Variants in ANO5 observed in about 807,000 individuals in gnomAD.
ANO5 encodes the protein anoctamin 5.
ANO5 carries 109 observed loss-of-function variants against 121.0 expected under a neutral mutation model. That is an observed-to-expected ratio of 0.90 (90% confidence interval 0.77 to 1.06). ANO5 has a LOEUF of 1.06. Among genes scored for constraint, ANO5 ranks in the 50% least tolerant of loss-of-function variants. ANO5 has a pLI of 0.00. For missense variants in ANO5, 1,064 were observed against 1,078.5 expected (o/e 0.99, Z 0.19); for synonymous variants, 406 against 359.9 (o/e 1.13, Z -1.45).
Position 22,270,336 on chromosome 11 carries a change from C to T in ANO5, c.1923C>T (p.Arg641=). The part of the protein sequence containing the change: ...IYPLALNWWR[R]RKARTNSEKL... The stretch of plus-strand genomic sequence containing the variant: ...GCTTGGCTTTGAATTGGTGGAGACG[C>T]CGAAAAGCTCGGACAAACTCTGAGA... Residue 641 remains arginine, a synonymous_variant, in exon 18 of 22, where the codon CGC becomes CGT. Transcript: ENST00000324559. The T allele has an allele frequency of 6.2e-7, 1 of 1,614,092 alleles. No individual in the cohort carries two copies. The highest frequency in any genetic ancestry group is 1.1e-5 in the South Asian group (1 of 91,082).
chr11:22,216,289 T>C (rs1277802776), intron 3 of ANO5, among the ~76,000 whole-genome samples: 2 of 151,956 alleles, frequency 1.3e-5, no homozygotes, highest in African/African-American at 4.8e-5. Flanking sequence ...GGTTGTACCA[T>C]TTTTTATTCC....
intron 17 of ANO5, among the ~76,000 whole-genome samples, chr11:22,269,278 GAA>G (rs1564948207): frequency 3.8e-5 from 2 of 52,176 alleles, no homozygotes; most frequent in Non-Finnish European, 7.9e-5. Context: ...GAAGGGAAGG[GAA>G]GAGAAGGGAA....
At chr11:22,239,376 A>G (rs899646742) in intron 8 of ANO5, among the ~76,000 whole-genome samples, 193 bp from the exon 9 acceptor site, 1 of 152,050 alleles carries the variant, frequency 6.6e-6, no homozygotes, top group Admixed American at 6.6e-5. Flanking sequence ...GCATTTTGAG[A>G]TAGCTTTGTG....
intron 3 of ANO5, among the ~76,000 whole-genome samples, chr11:22,212,840 T>C (rs1852324479): frequency 6.7e-6 from 1 of 149,380 alleles, no homozygotes; most frequent in South Asian, 2.1e-4. Context: ...TTACTCTTGA[T>C]TTTTTTGGAG....
At position 22,274,687 on chromosome 11, in the gene ANO5, T is replaced by C; in HGVS notation, c.2354T>C (p.Leu785Pro). 6.2e-7 allele frequency: 1 copy of C among 1,613,688 alleles called. No homozygotes were observed. The highest frequency in any genetic ancestry group is 8.5e-7 in the Non-Finnish European group (1 of 1,179,692). ...GTGAATAATAGCCTGTCAGTATTCC[T>C]GATAGCTGATTTTCCAAACCACACT... ...GYVNNSLSVF[L>P]IADFPNHTAP... Residue 785 changes from leucine (L) to proline (P), a missense_variant, in exon 20 of 22, where the codon CTG (leucine) becomes CCG (proline). By Grantham distance (98) the Leu-to-Pro change is moderately conservative. Coordinates refer to ENST00000324559, the MANE Select transcript of ANO5 (RefSeq NM_213599.3).
chr11:22,224,925 C>T (rs1590242017), intron 5 of ANO5, among the ~76,000 whole-genome samples: 1 of 151,928 alleles, frequency 6.6e-6, no homozygotes, highest in East Asian at 1.9e-4. Context: ...GTCATATGTT[C>T]TCACTCATGT....
chr11:22,210,172 C>T (rs976439120), intron 2 of ANO5, among the ~76,000 whole-genome samples: 1 of 151,840 alleles, frequency 6.6e-6, no homozygotes, highest in East Asian at 1.9e-4. Flanking sequence ...TCAGTCTTCC[C>T]ACAACTTTTC....
intron 13 of ANO5, among the ~76,000 whole-genome samples, chr11:22,256,854 A>G (rs950113486): frequency 6.6e-6 from 1 of 152,174 alleles, no homozygotes; most frequent in Non-Finnish European, 1.5e-5. Context: ...AAATATGCAT[A>G]CAGATGCATG....
chr11:22,274,672 G>C lies in ANO5; in HGVS notation c.2339G>C (p.Ser780Thr), dbSNP rs1554934744. The C allele has an allele frequency of 6.2e-7, 1 of 1,613,306 alleles. No homozygotes were observed. The highest frequency in any genetic ancestry group is 1.1e-5 in the South Asian group (1 of 91,056). Residue 780 changes from serine to threonine, a missense_variant, in exon 20 of 22, where the codon AGC becomes ACC. Coordinates refer to ENST00000324559, the MANE Select transcript of ANO5 (RefSeq NM_213599.3). ...CCTATGACAGGATATGTGAATAATA[G>C]CCTGTCAGTATTCCTGATAGCTGAT... The part of the protein sequence containing the change: ...TQPMTGYVNN[S>T]LSVFLIADFP...
In ANO5 at chr11:22,274,548, CTTTTT is replaced by C. The variant is rs72105710; in HGVS notation, c.2236-14_2236-10del. ...TAAATTGGCAGCTGATGATCTTCCT[CTTTTT>C]TTTTTTATTCTTCAGGCCTTTATTG... On this transcript the variant is annotated splice_polypyrimidine_tract_variant and intron_variant, in intron 19 of 21. Transcript: ENST00000324559. 1 of 958,910 alleles carries C rather than the reference CTTTTT, an allele frequency of 1.0e-6. No homozygotes were observed. The highest frequency in any genetic ancestry group is 1.4e-6 in the Non-Finnish European group (1 of 696,780). 59.4% of individuals were successfully genotyped at this position (958,910 alleles called of 1,614,324 possible).
At chr11:22,202,221 A>C (rs1851986729) in intron 1 of ANO5, among the ~76,000 whole-genome samples, 1 of 152,006 alleles carries the variant, frequency 6.6e-6, no homozygotes, top group Non-Finnish European at 1.5e-5. Context: ...GTTTATTTTC[A>C]CATACAGCCT....
In ANO5 at chr11:22,279,669, C is replaced by CAAATT. The variant is rs1316732230; in HGVS notation, c.2650_2654dup (p.Lys885AsnfsTer2). 6.2e-7 allele frequency: 1 copy of CAAATT among 1,612,648 alleles called. No homozygotes were observed. Among genetic ancestry groups the CAAATT allele is most frequent in the Non-Finnish European group, 8.5e-7 (1 of 1,179,144 alleles). On this transcript the variant is annotated frameshift_variant, in exon 22 of 22. Coordinates refer to ENST00000324559, the MANE Select transcript of ANO5 (RefSeq NM_213599.3). LOFTEE classifies it low-confidence loss of function (END_TRUNC). The stretch of plus-strand genomic sequence containing the variant: ...AGATTCTCCATGATTTTGAGCTCAA[C>CAAATT]AAATTAAAAGAGAACTTGGGAATTA...
intron 7 of ANO5, among the ~76,000 whole-genome samples, chr11:22,228,192 T>G (rs1390784661): frequency 2.0e-5 from 3 of 152,194 alleles, no homozygotes; most frequent in Non-Finnish European, 4.4e-5. Context: ...ATCCACTTCA[T>G]AGGTTACCCA....
chr11:22,193,091 G>A lies in ANO5; in HGVS notation c.-402G>A. 3 of 1,086,388 alleles carry A rather than the reference G, an allele frequency of 2.8e-6. No individual in the cohort carries two copies. The highest frequency in any genetic ancestry group is 2.2e-6 in the Non-Finnish European group (2 of 889,340). The allele number at this position is 1,086,388 out of a possible 1,614,324, so 67.3% of individuals were successfully genotyped here. Reference sequence around the variant, plus strand: ...GCTGCCAGAGGGCAGGAGTGGAAAGGATCCTGGCGAGCACCGGGAGGAGTG... The same window carrying A: ...GCTGCCAGAGGGCAGGAGTGGAAAGAATCCTGGCGAGCACCGGGAGGAGTG... On this transcript the variant is annotated 5_prime_UTR_variant, in exon 1 of 22. Coordinates refer to ENST00000324559, the MANE Select transcript of ANO5 (RefSeq NM_213599.3).
intron 9 of ANO5, among the ~76,000 whole-genome samples, chr11:22,243,112 A>G (rs541532002): frequency 5.9e-5 from 9 of 152,044 alleles, no homozygotes; most frequent in Middle Eastern, 3.4e-3. Flanking sequence ...TTAATCATGA[A>G]TGGAAAGGGA....
intron 2 of ANO5, among the ~76,000 whole-genome samples, chr11:22,209,784 A>G (rs990946389): frequency 6.6e-6 from 1 of 151,968 alleles, no homozygotes; most frequent in African/African-American, 2.4e-5. Context: ...ATTGGAAATC[A>G]GAGCAAAGAT....
At chr11:22,220,706 A>T (rs1852612238) in intron 4 of ANO5, among the ~76,000 whole-genome samples, 1 of 152,032 alleles carries the variant, frequency 6.6e-6, no homozygotes, top group Non-Finnish European at 1.5e-5. Context: ...GTGAGACTCC[A>T]TTAATTGGTC....
At chr11:22,267,457 T>C (rs1323087518) in intron 17 of ANO5, among the ~76,000 whole-genome samples, 1 of 150,582 alleles carries the variant, frequency 6.6e-6, no homozygotes, top group Non-Finnish European at 1.5e-5. Context: ...TTATCTACAA[T>C]ACTTTTTATG....
At chr11:22,254,267 A>G (rs1407469262) in intron 12 of ANO5, among the ~76,000 whole-genome samples, 1 of 152,198 alleles carries the variant, frequency 6.6e-6, no homozygotes, top group Non-Finnish European at 1.5e-5. Context: ...GATATCATCC[A>G]TAGTTCCTTA....
Sources: allele counts gnomAD v4.1 joint callset (sites outside exome capture counted in the v4.1 genomes callset), GRCh38; gene constraint gnomAD v4.1.1; transcripts MANE v1.5; gene names NCBI Gene and HGNC (gene_info 2026-07-23, HGNC 2026-07-21).